The following SPIN2A variants were observed in gnomAD, a reference collection of about 807,000 sequenced individuals.
The protein encoded by SPIN2A is spindlin-2A.
Under a neutral mutation model 9.2 loss-of-function variants are expected in SPIN2A, and 4 were observed. The observed-to-expected ratio is 0.44, with a 90% CI of 0.21 to 1.00. SPIN2A has a LOEUF of 1.00. SPIN2A is among the 50% of genes least tolerant of loss of function. The pLI is 0.26. For synonymous variants in SPIN2A, 25 were observed against 61.2 expected, an observed-to-expected ratio of 0.41 and a Z score of 2.76; for missense variants, 77 against 172.8, an observed-to-expected ratio of 0.45 and a Z score of 3.11.
chrX:57,137,071 A>G (rs777313167), intron 1 of SPIN2A, 189 bp downstream of exon 1: 575 of 799,167 alleles, frequency 7.2e-4, no homozygotes, highest in Non-Finnish European at 7.9e-4. Flanking sequence ...TCTGGCTCCT[A>G]TTCCTACCCC....
Position 57,135,679 on chromosome X carries a change from A to T in SPIN2A, c.*142T>A. The T allele has an allele frequency of 6.4e-6, 7 of 1,088,141 alleles. No individual in the cohort carries two copies. Among genetic ancestry groups the T allele is most frequent in the Non-Finnish European group, 8.4e-6 (7 of 829,557 alleles). 89.7% of individuals were successfully genotyped at this position (1,088,141 alleles called of 1,213,427 possible). A position where few individuals can be genotyped will look rare whatever the true frequency, so the allele number is the denominator to read the frequency against. ...GTATTCACAAATTTGTATTTTTTAGAGCAAAACAACAGTTAATGCTGGCAA... is the reference window on the plus strand; with the variant it reads ...GTATTCACAAATTTGTATTTTTTAGTGCAAAACAACAGTTAATGCTGGCAA... On this transcript the variant is annotated 3_prime_UTR_variant, in exon 2 of 2. Transcript: ENST00000374906.
chrX:57,139,765 T>C (rs1403950410), upstream of SPIN2A, among the ~76,000 whole-genome samples: 1 of 111,944 alleles, frequency 8.9e-6, no homozygotes, highest in African/African-American at 3.3e-5. Flanking sequence ...CATAGGTTTA[T>C]AGTATAATTT....
At position 57,135,996 on chromosome X, in the gene SPIN2A, T is replaced by A. The variant is rs1180488463; in HGVS notation, c.602A>T (p.Glu201Val). The A allele has an allele frequency of 8.3e-7, 1 of 1,208,197 alleles. No individual in the cohort carries two copies. The highest frequency in any genetic ancestry group is 1.8e-5 in the South Asian group (1 of 56,670). Residue 201 changes from glutamate (E) to valine (V), a missense_variant, in exon 2 of 2, where the codon GAG becomes GTG. By Grantham distance (121) the Glu-to-Val change is moderately radical. Transcript: ENST00000374906. Reference sequence around the variant, plus strand: ...TAGGCCATCTACAACTCCTCCTGGCTCCCTCTCTGTTGGAGGAGACTCACT... The same window carrying A: ...TAGGCCATCTACAACTCCTCCTGGCACCCTCTCTGTTGGAGGAGACTCACT... The part of the protein sequence containing the change: ...ESSESPPTER[E>V]PGGVVDGLIG...
At chrX:57,135,594 CA>C, downstream of SPIN2A, 1 of 653,142 alleles carries the variant, frequency 1.5e-6, no homozygotes, top group East Asian at 3.7e-5. Context: ...TTCCATGCCC[CA>C]TCTACCAAAC....
chrX:57,145,188 T>G, the SPIN2A span, among the ~76,000 whole-genome samples: 5 of 110,198 alleles, frequency 4.5e-5, no homozygotes, highest in African/African-American at 1.4e-4. Flanking sequence ...TGTAGAAGTG[T>G]TCCCTTTTCA....
upstream of SPIN2A, among the ~76,000 whole-genome samples, chrX:57,138,686 AC>A (rs1324679387): frequency 1.8e-5 from 2 of 111,567 alleles, no homozygotes; most frequent in Non-Finnish European, 3.8e-5. Context: ...CGAGCAATTT[AC>A]AAGGATACCT....
At chrX:57,141,883 T>C (rs1928012695), upstream of SPIN2A, among the ~76,000 whole-genome samples, 1 of 111,108 alleles carries the variant, frequency 9.0e-6, no homozygotes, top group African/African-American at 3.3e-5. Flanking sequence ...GCTGCACCTG[T>C]CAACCCATCA....
chrX:57,135,413 C>T (rs1404330180), downstream of SPIN2A: 1 of 169,492 alleles, frequency 5.9e-6, no homozygotes, highest in Non-Finnish European at 1.1e-5. Context: ...TGGCCCTTTT[C>T]CACCTCTTCC....
At chrX:57,144,160 T>C in the SPIN2A span, among the ~76,000 whole-genome samples, 1 of 112,034 alleles carries the variant, frequency 8.9e-6, no homozygotes, top group Non-Finnish European at 1.9e-5. Flanking sequence ...GCAAGGTTTC[T>C]GCTAAGAAGT....
the SPIN2A span, among the ~76,000 whole-genome samples, chrX:57,144,283 G>A: frequency 9.1e-6 from 1 of 110,414 alleles, no homozygotes; most frequent in Non-Finnish European, 1.9e-5. Flanking sequence ...TATATGCCTT[G>A]CAGTCATCTT....
chrX:57,137,418 C>T (rs1927856786), upstream of SPIN2A: 1 of 711,821 alleles, frequency 1.4e-6, no homozygotes, highest in Non-Finnish European at 1.7e-6. Flanking sequence ...GTGTCCCCAG[C>T]GCTTCGCTCG....
chrX:57,136,952 C>A, intron 1 of SPIN2A: 1 of 858,964 alleles, frequency 1.2e-6, no homozygotes, highest in Non-Finnish European at 1.5e-6. Flanking sequence ...CACCCACTAC[C>A]CTCCTGCCCT....
chrX:57,139,442 C>T (rs1021567663), upstream of SPIN2A, among the ~76,000 whole-genome samples: 5 of 110,931 alleles, frequency 4.5e-5, no homozygotes, highest in Non-Finnish European at 9.5e-5. Context: ...TTTTGGTTAC[C>T]ACAGGTTTTT....
chrX:57,137,314 G>T lies in SPIN2A; in HGVS notation c.-60C>A. 1.3e-6 allele frequency: 1 copy of T among 759,204 alleles called. No individual in the cohort carries two copies. The highest frequency in any genetic ancestry group is 1.6e-6 in the Non-Finnish European group (1 of 641,825). 62.6% of individuals were successfully genotyped at this position (759,204 alleles called of 1,213,427 possible). A position where few individuals can be genotyped will look rare whatever the true frequency, so the allele number is the denominator to read the frequency against. ...GCGAAGGAGGGTCAACAGGCGACTC[G>T]CTGAGTGACTGCTTGCAAGAGCGGG... On this transcript the variant is annotated 5_prime_UTR_variant, in exon 1 of 2. Transcript: ENST00000374906.
At chrX:57,142,801 A>G in the SPIN2A span, among the ~76,000 whole-genome samples, 1 of 111,633 alleles carries the variant, frequency 9.0e-6, no homozygotes, top group Admixed American at 9.5e-5. Flanking sequence ...CTGGATGCAT[A>G]TATATTTACA....
chrX:57,141,579 G>A (rs764006308), upstream of SPIN2A, among the ~76,000 whole-genome samples: 1 of 111,014 alleles, frequency 9.0e-6, no homozygotes, highest in East Asian at 2.8e-4. Context: ...TCATTGATGG[G>A]AGATATTTTA....
At chrX:57,137,586 C>G (rs931809781), upstream of SPIN2A, 1 of 116,169 alleles carries the variant, frequency 8.6e-6, no homozygotes, top group East Asian at 2.8e-4. Context: ...AATCACAGAG[C>G]AGATCTGCCT....
upstream of SPIN2A, among the ~76,000 whole-genome samples, chrX:57,139,637 G>T (rs149014332): frequency 7.7e-4 from 86 of 110,983 alleles, 1 homozygote; most frequent in East Asian, 0.021. Context: ...TGTATTTTTA[G>T]TAGAGACGGG....
chrX:57,142,988 G>A, the SPIN2A span, among the ~76,000 whole-genome samples: 1 of 110,976 alleles, frequency 9.0e-6, no homozygotes, highest in Non-Finnish European at 1.9e-5. Flanking sequence ...TTTTAGGTCT[G>A]TTGTATGTCT....
Sources: allele counts gnomAD v4.1 joint callset (sites outside exome capture counted in the v4.1 genomes callset), GRCh38; gene constraint gnomAD v4.1.1; transcripts MANE v1.5; gene names NCBI Gene and HGNC (gene_info 2026-07-23, HGNC 2026-07-21).